DENND2B: variants seen among roughly 807,000 people sequenced by gnomAD.
DENND2B encodes DENN domain-containing protein 2B.
Under a neutral mutation model 116.0 loss-of-function variants are expected in DENND2B, and 32 were observed. That is an observed-to-expected ratio of 0.28 (90% CI 0.21 to 0.37). DENND2B has a LOEUF of 0.37. DENND2B is among the 10% of genes least tolerant of loss of function. DENND2B has a pLI of 1.00. For missense variants in DENND2B, 1,276 were observed against 1,477.7 expected (o/e 0.86, Z 2.24); for synonymous variants, 588 against 583.9 (o/e 1.01, Z -0.10).
At chr11:8,796,705 C>T (rs2059843612) in intron 1 of DENND2B, among the ~76,000 whole-genome samples, 3 of 152,124 alleles carry the variant, frequency 2.0e-5, no homozygotes, top group African/African-American at 7.2e-5. Flanking sequence ...CACTAGTTTA[C>T]TGACAAATTA....
intron 13 of DENND2B, among the ~76,000 whole-genome samples, chr11:8,703,840 T>C (rs1042552787): frequency 3.3e-5 from 5 of 152,180 alleles, no homozygotes; most frequent in African/African-American, 1.2e-4. Flanking sequence ...GATGGTGTAC[T>C]CCCAGAAGGC....
rs548600754 is a variant in DENND2B, at chr11:8,731,288, T to C, written c.81-79A>G. On this transcript the variant is annotated intron_variant, in intron 2 of 19. Transcript: ENST00000313726. ...ACCAACCAGTGGCATCCTGTTTTAT[T>C]CTTACAGAACTCAGCATCTTTTTCC... is the stretch of plus-strand genomic sequence containing the variant. The C allele has an allele frequency of 1.2e-4, 166 of 1,332,894 alleles. No individual in the cohort carries two copies. The African/African-American group carries it at 2.1e-3, about 17-fold the overall frequency. 82.6% of individuals were successfully genotyped at this position (1,332,894 alleles called of 1,614,324 possible).
rs148471595 is a variant in DENND2B, at chr11:8,715,753, C to T, written c.1695G>A (p.Arg565=). 34 of 1,614,078 alleles carry T rather than the reference C, an allele frequency of 2.1e-5. No individual in the cohort carries two copies. Among genetic ancestry groups the T allele is most frequent in the Middle Eastern group, 1.7e-4 (1 of 6,046 alleles). ...TGTGCCTCTTGGGTAATCGTGGCAG[C>T]CGGTGGCTCTTCCTTTCTGACCAGT... The part of the protein sequence containing the change: ...SGNWSERKSH[R]LPRLPKRHSH... The change falls in exon 6 of 20, where the codon CGG becomes CGA. Residue 565 remains arginine (R), a synonymous_variant. Coordinates refer to ENST00000313726, the MANE Select transcript of DENND2B (RefSeq NM_213618.2).
At chr11:8,820,413 A>G (rs1222923929) in intron 4 of DENND2B, among the ~76,000 whole-genome samples, 1 of 152,202 alleles carries the variant, frequency 6.6e-6, no homozygotes, top group African/African-American at 2.4e-5. Flanking sequence ...TCACTCAGGG[A>G]GAATATCCTA....
chr11:8,726,014 G>C (rs1346462302), intron 4 of DENND2B, 59 bp downstream of exon 4: 5 of 1,610,536 alleles, frequency 3.1e-6, no homozygotes, highest in African/African-American at 1.3e-5. Context: ...GTCTCCTCCT[G>C]TTCCTGTTCT....
At chr11:8,839,368 A>C (rs557244264) in intron 3 of DENND2B, 33 of 152,374 alleles carry the variant, frequency 2.2e-4, no homozygotes, top group African/African-American at 7.9e-4. Flanking sequence ...AAGAGTGGAA[A>C]GGTTGTTACC....
chr11:8,706,357 A>G (rs2042601476), intron 13 of DENND2B, among the ~76,000 whole-genome samples: 1 of 152,216 alleles, frequency 6.6e-6, no homozygotes, highest in African/African-American at 2.4e-5. Context: ...GGACATCGTG[A>G]TTGGGTTCTT....
At chr11:8,902,361 C>T (rs1007231843) in intron 1 of DENND2B, among the ~76,000 whole-genome samples, 2 of 152,006 alleles carry the variant, frequency 1.3e-5, no homozygotes, top group East Asian at 3.9e-4. Flanking sequence ...GTTGAAGTCC[C>T]CAACTACCAC....
intron 2 of DENND2B, among the ~76,000 whole-genome samples, chr11:8,869,090 A>C (rs540512888): frequency 1.3e-5 from 2 of 152,312 alleles, no homozygotes; most frequent in South Asian, 4.1e-4. Context: ...AAAAGATTGG[A>C]CATTCCTGTT....
At position 8,695,511 on chromosome 11, in the gene DENND2B, GTTC is replaced by G. The variant is rs2040205192; in HGVS notation, c.3328_3330del (p.Glu1110del). 6.2e-7 allele frequency: 1 copy of G among 1,613,868 alleles called. No individual in the cohort carries two copies. Among genetic ancestry groups the G allele is most frequent in the African/African-American group, 1.3e-5 (1 of 74,908 alleles). Reference sequence around the variant, plus strand: ...ATTCCACTCTGCTCAGTGTCTGGGAGTTCTTCTAAGTACTGCTCCACTCGCTGC... The same window carrying G: ...ATTCCACTCTGCTCAGTGTCTGGGAGTTCTAAGTACTGCTCCACTCGCTGC... On this transcript the variant is annotated inframe_deletion, in exon 19 of 20. Transcript: ENST00000313726.
intron 2 of DENND2B, among the ~76,000 whole-genome samples, chr11:8,859,296 TTGTTTG>T (rs1384494900): frequency 1.3e-4 from 11 of 85,628 alleles, no homozygotes; most frequent in African/African-American, 3.8e-4. Context: ...ACGTGTTTTT[TTGTTTG>T]TTTGTTTGTT....
chr11:8,884,651 G>C (rs897740567), intron 1 of DENND2B, among the ~76,000 whole-genome samples: 2 of 152,190 alleles, frequency 1.3e-5, no homozygotes, highest in Non-Finnish European at 2.9e-5. Flanking sequence ...ACAGAGATAA[G>C]TCACAGAATG....
At chr11:8,772,616 T>A (rs1354929142) in intron 1 of DENND2B, among the ~76,000 whole-genome samples, 1 of 152,028 alleles carries the variant, frequency 6.6e-6, no homozygotes, top group Non-Finnish European at 1.5e-5. Context: ...TGTGGGTGTG[T>A]GTGAGAGAGA....
At chr11:8,907,062 C>G (rs1388467069) in intron 1 of DENND2B, among the ~76,000 whole-genome samples, 1 of 151,982 alleles carries the variant, frequency 6.6e-6, no homozygotes, top group East Asian at 1.9e-4. Flanking sequence ...CAAAAAGTCC[C>G]AAATACAGCA....
chr11:8,718,159 T>C (rs974970593), intron 4 of DENND2B: 1 of 383,598 alleles, frequency 2.6e-6, no homozygotes, highest in Middle Eastern at 8.1e-4. Context: ...GCTTTATAAA[T>C]TCAGGGATTG....
In DENND2B at chr11:8,722,816, T is replaced by C. The variant is rs2046417485; in HGVS notation, c.1477+3257A>G. On this transcript the variant is annotated intron_variant, in intron 4 of 19. Coordinates refer to ENST00000313726, the MANE Select transcript of DENND2B (RefSeq NM_213618.2). ...AAACCTAAACATCCGATGCAGTATA[T>C]TCCCAAACTGGTGCCTGGGTCGCTC... Among the ~76,000 whole-genome samples, 3 of 152,164 alleles carry C rather than the reference T, an allele frequency of 2.0e-5. 1 individual carries two copies. In the Middle Eastern group the frequency reaches 0.01, roughly 518 times the overall value.
chr11:8,874,738 T>C (rs900365750), upstream of DENND2B, among the ~76,000 whole-genome samples: 1 of 150,636 alleles, frequency 6.6e-6, no homozygotes, highest in Admixed American at 6.6e-5. Flanking sequence ...CTGAGCAACA[T>C]AGTGAGACCC....
chr11:8,718,944 C>A (rs528217652), intron 4 of DENND2B: 1 of 988,382 alleles, frequency 1.0e-6, no homozygotes, highest in Non-Finnish European at 1.2e-6. Flanking sequence ...GTGAACAGGT[C>A]CCTGGGGAAC....
chr11:8,825,147 C>T (rs2061929347), intron 4 of DENND2B, among the ~76,000 whole-genome samples: 1 of 152,194 alleles, frequency 6.6e-6, no homozygotes, highest in Non-Finnish European at 1.5e-5. Context: ...ACCAACACTA[C>T]ATAAACATTC....
Sources: allele counts gnomAD v4.1 joint callset (sites outside exome capture counted in the v4.1 genomes callset), GRCh38; gene constraint gnomAD v4.1.1; transcripts MANE v1.5; gene names NCBI Gene and HGNC (gene_info 2026-07-23, HGNC 2026-07-21).